Variants in EPHA7 observed in about 807,000 individuals in gnomAD.
The protein encoded by EPHA7 is EPH receptor A7.
In EPHA7, 25 loss-of-function variants were observed where a neutral mutation model predicts 112.6. The observed-to-expected ratio is 0.22, with a 90% CI of 0.16 to 0.31. The LOEUF (loss-of-function observed/expected upper bound fraction) is 0.31. Ranked by LOEUF, EPHA7 falls within the 10% of genes least tolerant of loss-of-function variation. EPHA7 has a pLI of 1.00. For missense variants in EPHA7, 962 were observed against 1,212.6 expected, an observed-to-expected ratio of 0.79 and a Z score of 3.07; for synonymous variants, 437 against 406.5, an observed-to-expected ratio of 1.07 and a Z score of -0.90.
chr6:93,311,111 G>A (rs569457906), intron 5 of EPHA7, among the ~76,000 whole-genome samples: 3 of 81,598 alleles, frequency 3.7e-5, no homozygotes, highest in African/African-American at 1.7e-4. Context: ...ATCATGCCCA[G>A]CTATTTTTTT....
chr6:93,378,692 A>G (rs1298530089), intron 3 of EPHA7, among the ~76,000 whole-genome samples: 1 of 152,146 alleles, frequency 6.6e-6, no homozygotes, highest in African/African-American at 2.4e-5. Flanking sequence ...AAGTTCCCAC[A>G]TTAGACAGAT....
chr6:93,410,515 C>A lies in EPHA7; in HGVS notation c.818G>T (p.Gly273Val), dbSNP rs1429079813. Residue 273 changes from glycine to valine, a missense_variant, in exon 3 of 17, where the codon GGA (glycine) becomes GTA (valine). Physicochemically the swap from Gly to Val is moderately radical, Grantham distance 109. Around this residue, in one of 3 missense-constraint regions of EPHA7, gnomAD observed 160 missense variants for 263.6 expected, o/e 0.61. Transcript: ENST00000369303. This position sits in a 1 kb window ranked among gnomAD's most constrained non-coding sequence, Gnocchi z 4.0. The part of the protein sequence containing the change: ...CICKAGYQQK[G>V]DTCEPCGRGF... ...ACATTACTTACGTTCACAAGTGTCT[C>A]CTTTTTGCTGGTAGCCTGCTTTGCA... 2 of 1,612,422 alleles carry A rather than the reference C, an allele frequency of 1.2e-6. No individual in the cohort carries two copies. The highest frequency in any genetic ancestry group is 3.3e-5 in the Admixed American group (2 of 59,890).
intron 3 of EPHA7, among the ~76,000 whole-genome samples, chr6:93,372,857 A>G (rs1204403278): frequency 6.6e-6 from 1 of 152,116 alleles, no homozygotes; most frequent in East Asian, 1.9e-4. Context: ...AAGTTTATAC[A>G]TTGGCTTTGC....
chr6:93,280,886 A>T (rs1771703703), intron 5 of EPHA7, among the ~76,000 whole-genome samples: 1 of 152,254 alleles, frequency 6.6e-6, no homozygotes, highest in Non-Finnish European at 1.5e-5. Context: ...GACACCTTCC[A>T]GAATACTCTG....
Position 93,255,986 on chromosome 6 carries a change from T to C in EPHA7, c.2224A>G (p.Ile742Val), listed in dbSNP as rs1770426017. 1.2e-6 allele frequency: 2 copies of C among 1,613,930 alleles called. No individual in the cohort carries two copies. The highest frequency in any genetic ancestry group is 2.7e-5 in the African/African-American group (2 of 74,908). The change falls in exon 13 of 17, where the codon ATT becomes GTT. Residue 742 changes from isoleucine (I) to valine (V), a missense_variant. Physicochemically the swap from Ile to Val is conservative, Grantham distance 29. This residue lies in a region of EPHA7 where 746 missense variants were observed against 889.2 expected (regional missense o/e 0.84). Coordinates refer to ENST00000369303, the MANE Select transcript of EPHA7 (RefSeq NM_004440.4). The stretch of plus-strand genomic sequence containing the variant: ...GCCAAATATCTCATTCCAGCAGCAA[T>C]TCCTCTCAGCATTCCTACTAACTGA... ...VIQLVGMLRG[I>V]AAGMRYLADM...
At chr6:93,359,903 A>G (rs908472508) in intron 3 of EPHA7, among the ~76,000 whole-genome samples, 7 of 151,998 alleles carry the variant, frequency 4.6e-5, no homozygotes, top group Non-Finnish European at 8.8e-5. Context: ...ATAGATAGAT[A>G]GATAGATAGA....
At chr6:93,327,945 G>A (rs1355861273) in intron 5 of EPHA7, among the ~76,000 whole-genome samples, 1 of 151,372 alleles carries the variant, frequency 6.6e-6, no homozygotes, top group African/African-American at 2.4e-5. Flanking sequence ...TGGTTATAAT[G>A]ACTTGCAAGG....
chr6:93,305,189 AGT>A (rs1225220415), intron 5 of EPHA7, among the ~76,000 whole-genome samples: 1 of 151,942 alleles, frequency 6.6e-6, no homozygotes, highest in African/African-American at 2.4e-5. Flanking sequence ...CACAACTGAA[AGT>A]GTTCATGGAA....
Position 93,243,275 on chromosome 6 carries a change from G to A in EPHA7, c.*151C>T, listed in dbSNP as rs1024459419. ...TTATATATTCTGGTGGCACTTAGGA[G>A]TTCAAGTCTATAGGTGCTTCTTAAA... On this transcript the variant is annotated 3_prime_UTR_variant, in exon 17 of 17. Transcript: ENST00000369303. 2.1e-5 allele frequency: 11 copies of A among 511,646 alleles called. No homozygotes were observed. The highest frequency in any genetic ancestry group is 2.4e-5 in the Non-Finnish European group (7 of 291,762). The allele number at this position is 511,646 out of a possible 1,614,324, so 31.7% of individuals were successfully genotyped here.
intron 3 of EPHA7, among the ~76,000 whole-genome samples, chr6:93,405,841 ATATAT>A (rs1778692512): frequency 7.2e-6 from 1 of 139,298 alleles, no homozygotes; most frequent in Non-Finnish European, 1.6e-5. Context: ...ATATATATAT[ATATAT>A]ATATAAATGA....
chr6:93,349,406 G>A (rs2127934789), intron 5 of EPHA7, among the ~76,000 whole-genome samples: 1 of 151,826 alleles, frequency 6.6e-6, no homozygotes, highest in East Asian at 1.9e-4. Context: ...GGATACCTCA[G>A]GTTTATAAAA....
intron 3 of EPHA7, among the ~76,000 whole-genome samples, chr6:93,363,687 A>C (rs944624024): frequency 6.6e-6 from 1 of 152,210 alleles, no homozygotes; most frequent in African/African-American, 2.4e-5. Flanking sequence ...TTACTACATG[A>C]CCCAAGTAGT....
rs1471052920 is a variant in EPHA7 at position 93,241,515 on chromosome 6, G to C, written c.*1911C>G. 4.7e-6 allele frequency: 1 copy of C among 214,200 alleles called. No individual in the cohort carries two copies. Among genetic ancestry groups the C allele is most frequent in the African/African-American group, 2.3e-5 (1 of 44,246 alleles). 13.3% of individuals were successfully genotyped at this position (214,200 alleles called of 1,614,324 possible). A position where few individuals can be genotyped will look rare whatever the true frequency, so the allele number is the denominator to read the frequency against. On this transcript the variant is annotated 3_prime_UTR_variant, in exon 17 of 17. Transcript: ENST00000369303. ...TATGCTAATTAAAATTATTTTTACA[G>C]ATTACTTTTCCTTAGGGACAAAAAA...
At chr6:93,386,892 C>A (rs930664212) in intron 3 of EPHA7, among the ~76,000 whole-genome samples, 8 of 152,048 alleles carry the variant, frequency 5.3e-5, no homozygotes, top group African/African-American at 1.9e-4. Flanking sequence ...ATGGAGGGCA[C>A]CAAGTCCCTA....
chr6:93,376,715 T>C (rs1777076978), intron 3 of EPHA7, among the ~76,000 whole-genome samples: 1 of 152,130 alleles, frequency 6.6e-6, no homozygotes, highest in Admixed American at 6.5e-5. Context: ...TTTGAGGAAA[T>C]GTAAGAGCTT....
In EPHA7 at chr6:93,281,487, T is replaced by C. The variant is rs145610430; in HGVS notation, c.1325-9065A>G. Among the ~76,000 whole-genome samples, 770 of 152,262 alleles carry C rather than the reference T, an allele frequency of 5.1e-3. 8 individuals are homozygous for C. The highest frequency in any genetic ancestry group is 0.016 in the South Asian group (77 of 4,824). ...CTTTGCTTTAATGACAAAATAATCA[T>C]AGAAATGATTTATCAGGAAGTATGG... On this transcript the variant is annotated intron_variant, in intron 5 of 16. Coordinates refer to ENST00000369303, the MANE Select transcript of EPHA7 (RefSeq NM_004440.4).
Position 93,257,476 on chromosome 6 carries a change from C to G in EPHA7, c.2158G>C (p.Asp720His). The change falls in exon 12 of 17, where the codon GAT becomes CAT. Residue 720 changes from aspartate to histidine, a missense_variant. Physicochemically the swap from Asp to His is moderately conservative, Grantham distance 81. Around this residue, in one of 3 missense-constraint regions of EPHA7, gnomAD observed 746 missense variants for 889.2 expected, o/e 0.84. Transcript: ENST00000369303. ...TTGGTACTTACCCTGAGAAATGCAT[C>G]TAGGGCTCCATTTTCCATGAACTCT... ...VIEFMENGALDAFLRKHDGQF... is the reference protein window; with the variant it reads ...VIEFMENGALHAFLRKHDGQF... The G allele has an allele frequency of 6.2e-7, 1 of 1,611,068 alleles. No homozygotes were observed. Among genetic ancestry groups the G allele is most frequent in the South Asian group, 1.1e-5 (1 of 90,906 alleles).
intron 3 of EPHA7, among the ~76,000 whole-genome samples, chr6:93,376,531 A>G (rs1351942558): frequency 6.6e-6 from 1 of 152,214 alleles, no homozygotes; most frequent in Admixed American, 6.5e-5. Flanking sequence ...ATGATATATG[A>G]GAACAGAAGC....
chr6:93,272,491 C>T, intron 5 of EPHA7, 69 bp from the exon 6 acceptor site: 1 of 1,588,382 alleles, frequency 6.3e-7, no homozygotes, highest in Non-Finnish European at 8.6e-7. Context: ...AATGTCACAA[C>T]TGATCAGTCC....
Sources: allele counts gnomAD v4.1 joint callset (sites outside exome capture counted in the v4.1 genomes callset), GRCh38; gene constraint gnomAD v4.1.1; regional missense constraint gnomAD v4.1.1; non-coding constraint Gnocchi (gnomAD v3.1); transcripts MANE v1.5; gene names NCBI Gene and HGNC (gene_info 2026-07-23, HGNC 2026-07-21).